The following DEFB123 variants were observed in gnomAD, a reference collection of about 807,000 sequenced individuals.
DEFB123 encodes the protein defensin beta 123.
For synonymous variants in DEFB123, 22 were observed against 28.3 expected (o/e 0.78, Z 0.71); for missense variants, 71 against 75.0 (o/e 0.95, Z 0.20).
chr20:31,442,187 A>G (rs1979478668), intron 1 of DEFB123, among the ~76,000 whole-genome samples: 2 of 152,176 alleles, frequency 1.3e-5, no homozygotes, highest in African/African-American at 2.4e-5. Flanking sequence ...CAGCAGTTCA[A>G]TATTTGTCTT....
At chr20:31,442,902 C>T (rs1170279549) in intron 1 of DEFB123, among the ~76,000 whole-genome samples, 2 of 152,094 alleles carry the variant, frequency 1.3e-5, no homozygotes, top group East Asian at 3.9e-4. Context: ...GCCACCATGC[C>T]CGGTCTTTGC....
intron 1 of DEFB123, among the ~76,000 whole-genome samples, chr20:31,445,535 A>G (rs1173071774): frequency 2.3e-5 from 1 of 43,536 alleles, no homozygotes; most frequent in Non-Finnish European, 4.9e-5. Context: ...ATTGTGATCA[A>G]ATAATTTTTT....
intron 1 of DEFB123, among the ~76,000 whole-genome samples, chr20:31,448,635 A>G (rs914967127): frequency 6.6e-6 from 1 of 152,014 alleles, no homozygotes; most frequent in Non-Finnish European, 1.5e-5. Flanking sequence ...CTAACCTACT[A>G]TTAATCTCAC....
At chr20:31,443,728 A>T (rs1979520204) in intron 1 of DEFB123, among the ~76,000 whole-genome samples, 1 of 152,212 alleles carries the variant, frequency 6.6e-6, no homozygotes, top group Non-Finnish European at 1.5e-5. Flanking sequence ...CATGGGTTCT[A>T]GCAGGGCTCT....
In DEFB123 at chr20:31,450,012, T is replaced by C. The variant is rs1396457555; in HGVS notation, c.59-17T>C. On this transcript the variant is annotated splice_polypyrimidine_tract_variant and intron_variant, in intron 1 of 1. Coordinates refer to ENST00000376309, the MANE Select transcript of DEFB123 (RefSeq NM_153324.4). ...GTTAGGACTGATACTGTCTCCCTTC[T>C]TTCTGCTTTGTGTCAGGTGGCACCC... is the stretch of plus-strand genomic sequence containing the variant. 2 of 1,601,950 alleles carry C rather than the reference T, an allele frequency of 1.2e-6. No homozygotes were observed. The highest frequency in any genetic ancestry group is 8.5e-7 in the Non-Finnish European group (1 of 1,175,524).
chr20:31,445,118 G>T (rs1600551746), intron 1 of DEFB123, among the ~76,000 whole-genome samples: 3 of 152,068 alleles, frequency 2.0e-5, no homozygotes, highest in Admixed American at 6.6e-5. Flanking sequence ...GCATACTCAA[G>T]GTAAAATTCA....
chr20:31,444,070 T>C (rs1192262438), intron 1 of DEFB123, among the ~76,000 whole-genome samples: 1 of 152,242 alleles, frequency 6.6e-6, no homozygotes, highest in Non-Finnish European at 1.5e-5. Flanking sequence ...TTTGCTGTTC[T>C]GTTGTTCACC....
At position 31,440,717 on chromosome 20, in the gene DEFB123, A is replaced by G. The variant is rs1258775880; in HGVS notation, c.19A>G (p.Thr7Ala). Residue 7 changes from threonine (T) to alanine (A), a missense_variant, in exon 1 of 2, where the codon ACT becomes GCT. Transcript: ENST00000376309. The stretch of plus-strand genomic sequence containing the variant: ...CTTAGCCATGAAGCTCCTTTTGCTG[A>G]CTTTGACTGTGCTGCTGCTCTTATC... MKLLLLTLTVLLLLSQL... is the reference protein window; with the variant it reads MKLLLLALTVLLLLSQL... 1 of 1,613,624 alleles carries G rather than the reference A, an allele frequency of 6.2e-7. No individual in the cohort carries two copies.
At chr20:31,442,489 G>A (rs1311764757) in intron 1 of DEFB123, among the ~76,000 whole-genome samples, 2 of 150,538 alleles carry the variant, frequency 1.3e-5, no homozygotes, top group South Asian at 4.2e-4. Context: ...AGGACCCAAA[G>A]AATTTGAAAA....
At chr20:31,446,230 G>A (rs1428054581) in intron 1 of DEFB123, among the ~76,000 whole-genome samples, 1 of 152,214 alleles carries the variant, frequency 6.6e-6, no homozygotes, top group African/African-American at 2.4e-5. Flanking sequence ...ATGAAGCAGG[G>A]TCTGATAGAC....
At chr20:31,443,667 C>G (rs566972130) in intron 1 of DEFB123, among the ~76,000 whole-genome samples, 3 of 152,328 alleles carry the variant, frequency 2.0e-5, no homozygotes, top group Admixed American at 6.5e-5. Flanking sequence ...ACACGAAAGG[C>G]CTTTGTCCCT....
intron 1 of DEFB123, among the ~76,000 whole-genome samples, chr20:31,442,789 A>G (rs1485710120): frequency 6.6e-6 from 1 of 151,906 alleles, no homozygotes; most frequent in African/African-American, 2.4e-5. Context: ...TTGTATTTTT[A>G]GTAGGATACG....
intron 1 of DEFB123, among the ~76,000 whole-genome samples, chr20:31,441,921 G>T (rs1029289077): frequency 8.5e-5 from 13 of 152,164 alleles, no homozygotes; most frequent in Admixed American, 4.6e-4. Context: ...ATAACATCAA[G>T]TGTGTAATAA....
rs1979438925 is a variant in DEFB123, at chr20:31,440,647, T to G, written c.-52T>G. ...CAGGCCAGGCACTCTCCTTCTCCCA[T>G]TAGCTCAGCCGTGGCATCGGACTTG... On this transcript the variant is annotated 5_prime_UTR_variant, in exon 1 of 2. Transcript: ENST00000376309. 5.0e-6 allele frequency: 8 copies of G among 1,610,052 alleles called. No individual in the cohort carries two copies. In the Admixed American group the frequency reaches 1.3e-4, roughly 27 times the overall value.
chr20:31,444,755 G>T (rs1197305130), intron 1 of DEFB123, among the ~76,000 whole-genome samples: 1 of 152,160 alleles, frequency 6.6e-6, no homozygotes, highest in Non-Finnish European at 1.5e-5. Flanking sequence ...CTTAATGGAG[G>T]TTATAAGTGC....
chr20:31,449,070 G>A lies in DEFB123; in HGVS notation c.59-959G>A, dbSNP rs1600554661. 2.0e-5 allele frequency among the ~76,000 whole-genome samples: 3 copies of A among 151,828 alleles called. No individual in the cohort carries two copies. The South Asian group carries it at 6.2e-4, about 32-fold the overall frequency. On this transcript the variant is annotated intron_variant, in intron 1 of 1. Transcript: ENST00000376309. ...CTTTATTTCTTCTCATCATGCTCAT[G>A]GCTTCCTCCACCTTTTTTACTACTT...
chr20:31,443,229 T>G (rs1979509088), intron 1 of DEFB123, among the ~76,000 whole-genome samples: 1 of 152,116 alleles, frequency 6.6e-6, no homozygotes, highest in African/African-American at 2.4e-5. Context: ...TTCCATCTGG[T>G]CCCCAAGTTA....
At chr20:31,449,402 C>T (rs942378146) in intron 1 of DEFB123, among the ~76,000 whole-genome samples, 10 of 151,988 alleles carry the variant, frequency 6.6e-5, no homozygotes, top group Admixed American at 6.6e-5. Context: ...TAATTTAGCC[C>T]CCACTACTAA....
At chr20:31,447,178 C>A (rs1293828239) in intron 1 of DEFB123, among the ~76,000 whole-genome samples, 1 of 150,856 alleles carries the variant, frequency 6.6e-6, no homozygotes, top group Non-Finnish European at 1.5e-5. Context: ...AGGAGAATCG[C>A]TTGAACCCGG....
Sources: allele counts gnomAD v4.1 joint callset (sites outside exome capture counted in the v4.1 genomes callset), GRCh38; gene constraint gnomAD v4.1.1; transcripts MANE v1.5; gene names NCBI Gene and HGNC (gene_info 2026-07-23, HGNC 2026-07-21).